CEP112: variants seen among roughly 807,000 people sequenced by gnomAD.
The protein encoded by CEP112 is centrosomal protein of 112 kDa.
CEP112 carries 127 observed loss-of-function variants against 153.0 expected under a neutral mutation model. The observed-to-expected ratio is 0.83, with a 90% CI of 0.72 to 0.96. The LOEUF is 0.96. Ranked by LOEUF, CEP112 falls within the 40% of genes least tolerant of loss-of-function variation. The probability of loss-of-function intolerance (pLI) is 0.00; values close to 1 mark genes in which losing one functional copy is unlikely to be tolerated. For synonymous variants in CEP112, 358 were observed against 374.4 expected (o/e 0.96, Z 0.51); for missense variants, 1,089 against 1,101.2 (o/e 0.99, Z 0.16).
intron 8 of CEP112, among the ~76,000 whole-genome samples, chr17:66,095,579 T>TCTAGAGATCTATTGTA (rs1285837332): frequency 1.3e-5 from 2 of 152,242 alleles, no homozygotes; most frequent in South Asian, 4.2e-4. Context: ...AGAAATAAGT[T>TCTAGAGATCTATTGTA]CTAGAGATCT....
intron 21 of CEP112, among the ~76,000 whole-genome samples, chr17:65,811,243 A>T (rs1164204700): frequency 6.6e-6 from 1 of 152,190 alleles, no homozygotes; most frequent in East Asian, 1.9e-4. Flanking sequence ...AATAGGGGCA[A>T]GGAAGCTGAG....
intron 6 of CEP112, among the ~76,000 whole-genome samples, chr17:66,102,424 A>G (rs570085127): frequency 6.6e-6 from 1 of 152,308 alleles, no homozygotes; most frequent in Admixed American, 6.5e-5. Flanking sequence ...CAAAAACATA[A>G]TATAATGAAA....
intron 24 of CEP112, among the ~76,000 whole-genome samples, chr17:65,662,600 T>C (rs889658981): frequency 9.2e-5 from 14 of 152,188 alleles, no homozygotes; most frequent in Non-Finnish European, 1.9e-4. Flanking sequence ...AAAGAATTCA[T>C]GGTAAAGAGT....
chr17:66,096,687 T>G (rs1328303511), intron 6 of CEP112, 55 bp from the exon 7 acceptor site: 2 of 1,101,358 alleles, frequency 1.8e-6, no homozygotes, highest in East Asian at 5.2e-5. Flanking sequence ...GAGTTTTAAT[T>G]ATTATTTGAT....
intron 18 of CEP112, among the ~76,000 whole-genome samples, chr17:65,950,726 G>GTAGTAGTA (rs2061801525): frequency 1.3e-5 from 2 of 149,848 alleles, no homozygotes; most frequent in African/African-American, 4.9e-5. Flanking sequence ...AGTAGTAGTA[G>GTAGTAGTA]TAGTAGTAGT....
At chr17:66,116,174 A>G (rs1215529659) in intron 6 of CEP112, among the ~76,000 whole-genome samples, 1 of 152,196 alleles carries the variant, frequency 6.6e-6, no homozygotes, top group Non-Finnish European at 1.5e-5. Flanking sequence ...TTCCTTACAC[A>G]CTGATGCATT....
chr17:65,769,437 C>G (rs1379880284), intron 21 of CEP112, among the ~76,000 whole-genome samples: 38 of 151,826 alleles, frequency 2.5e-4, no homozygotes, highest in Admixed American at 2.5e-3. Flanking sequence ...TCATAAGGAC[C>G]CACAAAAGAC....
intron 12 of CEP112, 29 bp downstream of exon 12, chr17:66,053,707 A>G (rs745437069): frequency 6.3e-7 from 1 of 1,594,728 alleles, no homozygotes; most frequent in South Asian, 1.1e-5. Context: ...ACAGGTTCTA[A>G]GATGTCAAGA....
In CEP112 at chr17:66,130,793, A is replaced by C. The variant is rs998200225; in HGVS notation, c.565-970T>G. Among the ~76,000 whole-genome samples the C allele has an allele frequency of 1.4e-4, 21 of 150,954 alleles. No homozygotes were observed. In the South Asian group the frequency reaches 1.5e-3, roughly 10 times the overall value. The stretch of plus-strand genomic sequence containing the variant: ...TCCGTCTCAAAAAAAAAAAAAAAAA[A>C]CACACACAATTATGGTGATTCTTCA... On this transcript the variant is annotated intron_variant, in intron 5 of 26. Transcript: ENST00000535342.
intron 21 of CEP112, among the ~76,000 whole-genome samples, chr17:65,819,803 G>GA (rs1234566856): frequency 6.6e-6 from 1 of 151,962 alleles, no homozygotes. Flanking sequence ...GAAAGATCAG[G>GA]AAAGACAGGG....
chr17:66,054,341 C>G (rs1412509524), intron 11 of CEP112, among the ~76,000 whole-genome samples: 1 of 152,158 alleles, frequency 6.6e-6, no homozygotes, highest in Non-Finnish European at 1.5e-5. Flanking sequence ...GCACCTCAAA[C>G]AAGAAATTAC....
rs1261997650 is a variant in CEP112 at position 65,854,462 on chromosome 17, C to T, written c.2164-2428G>A. On this transcript the variant is annotated intron_variant, in intron 20 of 26. Transcript: ENST00000535342. The stretch of plus-strand genomic sequence containing the variant: ...AGCTCAACTATTAACCCTGTGGCCT[C>T]TCTACACTAGACTGGAAAAGACATC... Among the ~76,000 whole-genome samples the T allele has an allele frequency of 2.6e-5, 4 of 152,206 alleles. No homozygotes were observed. The East Asian group carries it at 7.7e-4, about 29-fold the overall frequency.
At chr17:65,860,319 A>G (rs1298361419) in intron 20 of CEP112, among the ~76,000 whole-genome samples, 1 of 152,214 alleles carries the variant, frequency 6.6e-6, no homozygotes, top group Non-Finnish European at 1.5e-5. Flanking sequence ...ACTAAGAGAT[A>G]TATCAGGGTG....
chr17:65,740,683 G>A lies in CEP112; in HGVS notation c.2607+2385C>T, dbSNP rs186006514. On this transcript the variant is annotated intron_variant, in intron 23 of 26. Coordinates refer to ENST00000535342, the MANE Select transcript of CEP112 (RefSeq NM_001199165.4). ...TCAACCCAGAAGTGGAGTGAAGTAT[G>A]TCTCACAATTAGCATGCACGCTACT... 2.0e-5 allele frequency among the ~76,000 whole-genome samples: 3 copies of A among 152,286 alleles called. No individual in the cohort carries two copies. In the East Asian group the frequency reaches 5.8e-4, roughly 29 times the overall value.
chr17:65,813,414 G>T (rs1245757524), intron 21 of CEP112, among the ~76,000 whole-genome samples: 2 of 152,158 alleles, frequency 1.3e-5, no homozygotes, highest in African/African-American at 4.8e-5. Flanking sequence ...CAACAAGCAT[G>T]AATTGGTTCA....
chr17:65,660,217 C>CTTTCCT (rs2046278925), intron 24 of CEP112, among the ~76,000 whole-genome samples: 1 of 36,970 alleles, frequency 2.7e-5, no homozygotes, highest in Non-Finnish European at 4.7e-5. Flanking sequence ...CTTTCCTTCC[C>CTTTCCT]TCCCTCCCTC....
rs184150950 is a variant in CEP112 at position 66,123,077 on chromosome 17, G to A, written c.642+6669C>T. Among the ~76,000 whole-genome samples the A allele has an allele frequency of 5.3e-5, 8 of 152,266 alleles. 1 individual carries two copies. In the East Asian group the frequency reaches 1.5e-3, roughly 29 times the overall value. Reference sequence around the variant, plus strand: ...TACTACACTGGGCACTGTGCAGAGGGAGTAGCTTTCTTGTTCCCGGCTTGC... The same window carrying A: ...TACTACACTGGGCACTGTGCAGAGGAAGTAGCTTTCTTGTTCCCGGCTTGC... On this transcript the variant is annotated intron_variant, in intron 6 of 26. Transcript: ENST00000535342.
intron 21 of CEP112, among the ~76,000 whole-genome samples, chr17:65,771,432 C>A (rs528911365): frequency 6.6e-6 from 1 of 152,238 alleles, no homozygotes; most frequent in South Asian, 2.1e-4. Context: ...GGCAAATTCA[C>A]AAATGACAAC....
chr17:65,890,150 C>A (rs188177761), intron 20 of CEP112, among the ~76,000 whole-genome samples: 2 of 152,056 alleles, frequency 1.3e-5, no homozygotes, highest in Admixed American at 1.3e-4. Flanking sequence ...CCCTAGTGAA[C>A]CCCACTTGGG....
Sources: gnomAD v4.1 joint callset for allele counts (sites outside exome capture counted in the v4.1 genomes callset) on GRCh38, gnomAD v4.1.1 for gene constraint, MANE v1.5 for transcripts, NCBI Gene and HGNC (gene_info 2026-07-23, HGNC 2026-07-21) for gene names.